RTL4: variants seen among roughly 807,000 people sequenced by gnomAD.
The protein encoded by RTL4 is retrotransposon Gag-like protein 4.
A neutral mutation model predicts 5.3 loss-of-function variants in RTL4; 4 were observed. The observed-to-expected ratio is 0.75, with a 90% CI of 0.37 to 1.72. RTL4 has a LOEUF of 1.72. Among genes scored for constraint, RTL4 ranks in the 40% most tolerant of loss-of-function variants. RTL4 has a pLI of 0.04. For missense variants in RTL4, 260 were observed against 227.1 expected (o/e 1.14, Z -0.93); for synonymous variants, 98 against 87.3 (o/e 1.12, Z -0.68).
chrX:112,362,732 A>G, the RTL4 span, among the ~76,000 whole-genome samples: 1 of 110,922 alleles, frequency 9.0e-6, no homozygotes, highest in Admixed American at 9.6e-5. Context: ...TAAGGTTACT[A>G]TTACAGTCCC....
chrX:112,299,543 C>T, the RTL4 span, among the ~76,000 whole-genome samples: 112 of 111,908 alleles, frequency 1.0e-3, no homozygotes, highest in African/African-American at 3.3e-3. Flanking sequence ...GGAACTTTGG[C>T]ATCCTTCTCA....
chrX:112,119,054 C>T, the RTL4 span, among the ~76,000 whole-genome samples: 1 of 98,653 alleles, frequency 1.0e-5, no homozygotes, highest in Non-Finnish European at 2.0e-5. Flanking sequence ...GACGGGGTTT[C>T]GCCATGTTGA....
chrX:112,279,235 C>T, the RTL4 span, among the ~76,000 whole-genome samples: 14 of 111,109 alleles, frequency 1.3e-4, no homozygotes, highest in Admixed American at 1.1e-3. Context: ...AATTAGTGCC[C>T]AGCACAATGA....
At chrX:112,154,067 A>G in the RTL4 span, among the ~76,000 whole-genome samples, 1 of 110,578 alleles carries the variant, frequency 9.0e-6, no homozygotes, top group South Asian at 3.8e-4. Flanking sequence ...ATCTCAATGG[A>G]CCTACCTTCA....
chrX:112,376,058 T>A, the RTL4 span, among the ~76,000 whole-genome samples: 1 of 111,222 alleles, frequency 9.0e-6, no homozygotes, highest in African/African-American at 3.3e-5. Flanking sequence ...AGTTTTTAGA[T>A]CATTTTTGAT....
At chrX:112,308,844 T>G in the RTL4 span, among the ~76,000 whole-genome samples, 2 of 111,111 alleles carry the variant, frequency 1.8e-5, no homozygotes, top group Non-Finnish European at 3.8e-5. Context: ...GCACATAGTG[T>G]GGAAACACAG....
At chrX:112,277,288 A>G in the RTL4 span, among the ~76,000 whole-genome samples, 4 of 111,823 alleles carry the variant, frequency 3.6e-5, no homozygotes, top group Admixed American at 9.5e-5. Flanking sequence ...TGCTGGCTGG[A>G]GATTAGAATC....
the RTL4 span, among the ~76,000 whole-genome samples, chrX:112,433,049 C>G: frequency 9.1e-6 from 1 of 109,453 alleles, no homozygotes; most frequent in Non-Finnish European, 1.9e-5. Flanking sequence ...TGTAGATATG[C>G]GGCATTATTT....
chrX:112,345,789 AC>A, the RTL4 span, among the ~76,000 whole-genome samples: 12 of 111,452 alleles, frequency 1.1e-4, no homozygotes, highest in Admixed American at 1.1e-3. Context: ...ATTACCAGCC[AC>A]AGGCCCACCA....
At chrX:112,291,389 C>G in the RTL4 span, among the ~76,000 whole-genome samples, 1 of 109,249 alleles carries the variant, frequency 9.2e-6, no homozygotes, top group Non-Finnish European at 1.9e-5. Flanking sequence ...CACACACACA[C>G]ACACACACAC....
chrX:112,324,116 G>A, the RTL4 span, among the ~76,000 whole-genome samples: 2 of 111,865 alleles, frequency 1.8e-5, no homozygotes, highest in Admixed American at 1.9e-4. Flanking sequence ...CCAAGTGATG[G>A]TAATCTTTAA....
the RTL4 span, among the ~76,000 whole-genome samples, chrX:112,393,158 TTTG>T: frequency 9.2e-5 from 9 of 97,741 alleles, no homozygotes; most frequent in African/African-American, 2.3e-4. Flanking sequence ...TTTTTTTTTT[TTTG>T]TTTTTTTTTT....
the RTL4 span, among the ~76,000 whole-genome samples, chrX:112,123,584 T>A: frequency 8.0e-5 from 9 of 112,100 alleles, no homozygotes; most frequent in African/African-American, 2.6e-4. Context: ...CCTTTCCCCA[T>A]TGCTTGTTTT....
chrX:112,157,032 G>A, the RTL4 span, among the ~76,000 whole-genome samples: 2 of 108,811 alleles, frequency 1.8e-5, no homozygotes. Context: ...TGTTAGATGC[G>A]AGTGTTGAGT....
the RTL4 span, among the ~76,000 whole-genome samples, chrX:112,142,506 A>AT: frequency 4.2e-4 from 47 of 111,743 alleles, no homozygotes; most frequent in South Asian, 9.8e-3. Context: ...TTCCCCAATA[A>AT]TTTTTTTTCC....
At chrX:112,336,365 T>C in the RTL4 span, among the ~76,000 whole-genome samples, 1 of 111,895 alleles carries the variant, frequency 8.9e-6, no homozygotes, top group Admixed American at 9.5e-5. Context: ...TTATTTTTAA[T>C]AGTTATTGTT....
At chrX:112,285,176 G>A in the RTL4 span, among the ~76,000 whole-genome samples, 1 of 111,857 alleles carries the variant, frequency 8.9e-6, no homozygotes, top group Non-Finnish European at 1.9e-5. Flanking sequence ...TGAAGAGTAA[G>A]AAGTGGTTTA....
At chrX:112,398,371 T>C in the RTL4 span, among the ~76,000 whole-genome samples, 3 of 108,827 alleles carry the variant, frequency 2.8e-5, no homozygotes, top group African/African-American at 1.0e-4. Flanking sequence ...CTTTTGTATA[T>C]TGTTGGATCA....
chrX:112,185,612 ATC>A, the RTL4 span, among the ~76,000 whole-genome samples: 1 of 105,584 alleles, frequency 9.5e-6, no homozygotes, highest in South Asian at 4.2e-4. Flanking sequence ...ATGGTGGTTA[ATC>A]TCTCTCTCTC....
Sources: gnomAD v4.1 joint callset for allele counts (sites outside exome capture counted in the v4.1 genomes callset) on GRCh38, gnomAD v4.1.1 for gene constraint, MANE v1.5 for transcripts, NCBI Gene and HGNC (gene_info 2026-07-23, HGNC 2026-07-21) for gene names.